The following ROR1 variants were observed in gnomAD, a reference collection of about 807,000 sequenced individuals.
The protein encoded by ROR1 is ROR family WNT receptor 1.
ROR1 carries 19 observed loss-of-function variants against 78.8 expected under a neutral mutation model. The observed-to-expected ratio is 0.24, with a 90% CI of 0.17 to 0.35. The LOEUF is 0.35. Ranked by LOEUF, ROR1 falls within the 10% of genes least tolerant of loss-of-function variation. The pLI, the probability that ROR1 is intolerant of heterozygous loss-of-function variation, is 1.00. For synonymous variants in ROR1, 386 were observed against 433.6 expected (o/e 0.89, Z 1.36); for missense variants, 917 against 1,177.8 (o/e 0.78, Z 3.24).
intron 1 of ROR1, among the ~76,000 whole-genome samples, chr1:64,007,325 C>T (rs74078187): frequency 5.9e-5 from 9 of 151,520 alleles, no homozygotes; most frequent in African/African-American, 1.9e-4. Context: ...AGCTAATGAC[C>T]CTGGGTCCTC....
intron 1 of ROR1, among the ~76,000 whole-genome samples, chr1:63,990,942 T>G (rs1646290764): frequency 6.6e-6 from 1 of 152,204 alleles, no homozygotes; most frequent in Admixed American, 6.5e-5. Context: ...ACTCTGTCTT[T>G]TAAAAATTGT....
chr1:63,949,140 A>G (rs1424384675), intron 1 of ROR1, among the ~76,000 whole-genome samples: 1 of 152,154 alleles, frequency 6.6e-6, no homozygotes, highest in Non-Finnish European at 1.5e-5. Flanking sequence ...CATTCCATAT[A>G]AAGAAGGCAG....
intron 2 of ROR1, among the ~76,000 whole-genome samples, chr1:64,016,938 G>A (rs1646525748): frequency 1.3e-5 from 2 of 151,260 alleles, no homozygotes; most frequent in Admixed American, 6.6e-5. Context: ...TTTCTTTTGA[G>A]ACAAGATCTT....
chr1:64,023,313 T>G (rs895108137), intron 2 of ROR1, among the ~76,000 whole-genome samples: 3 of 152,020 alleles, frequency 2.0e-5, no homozygotes, highest in Non-Finnish European at 4.4e-5. Context: ...CTCATCCTAC[T>G]GAGAGAGGAA....
intron 4 of ROR1, 51 bp from the exon 5 acceptor site, chr1:64,137,318 C>T (rs1330909025): frequency 1.9e-6 from 3 of 1,606,096 alleles, no homozygotes; most frequent in Non-Finnish European, 1.7e-6. Flanking sequence ...GCTTGCTGTG[C>T]CCTGTATGTA....
At chr1:64,166,054 G>T (rs1650077438) in intron 8 of ROR1, among the ~76,000 whole-genome samples, 1 of 150,604 alleles carries the variant, frequency 6.6e-6, no homozygotes, top group African/African-American at 2.5e-5. Context: ...ATAGTATAAG[G>T]AAAGGGTCCA....
intron 1 of ROR1, among the ~76,000 whole-genome samples, chr1:63,955,922 A>G (rs938922803): frequency 1.3e-5 from 2 of 152,140 alleles, no homozygotes; most frequent in South Asian, 2.1e-4. Flanking sequence ...GTGACCCATA[A>G]TTATCTCTGC....
chr1:63,853,199 C>T (rs1246123629), intron 1 of ROR1, among the ~76,000 whole-genome samples: 1 of 152,208 alleles, frequency 6.6e-6, no homozygotes, highest in East Asian at 1.9e-4. Context: ...GCAACAGCTG[C>T]TGCTAATGTT....
chr1:64,088,466 G>C (rs1050765932), intron 4 of ROR1, among the ~76,000 whole-genome samples: 3 of 151,928 alleles, frequency 2.0e-5, no homozygotes, highest in African/African-American at 7.3e-5. Context: ...CATTTTTTAG[G>C]TGTGCAATTG....
Position 63,774,316 on chromosome 1 carries a change from G to A in ROR1, c.-102G>A. The A allele has an allele frequency of 4.5e-6, 3 of 662,068 alleles. No homozygotes were observed. The highest frequency in any genetic ancestry group is 2.0e-5 in the South Asian group (1 of 48,896). 41.0% of individuals were successfully genotyped at this position (662,068 alleles called of 1,614,324 possible). A position where few individuals can be genotyped will look rare whatever the true frequency, so the allele number is the denominator to read the frequency against. ...CAGACGTCCCCGGCGTCCTGCGAGC[G>A]CCAGCGGCCGGGACGAGGCGGCCGG... On this transcript the variant is annotated 5_prime_UTR_variant, in exon 1 of 9. Transcript: ENST00000371079. This position sits in a 1 kb window ranked among gnomAD's most constrained non-coding sequence, Gnocchi z 5.7.
At chr1:64,157,746 T>C (rs1649814299) in intron 7 of ROR1, among the ~76,000 whole-genome samples, 1 of 152,232 alleles carries the variant, frequency 6.6e-6, no homozygotes. Flanking sequence ...ATCTTTCTTC[T>C]ATTTTCCTTA....
At chr1:64,017,711 G>T (rs947764908) in intron 2 of ROR1, among the ~76,000 whole-genome samples, 3 of 152,126 alleles carry the variant, frequency 2.0e-5, no homozygotes, top group Non-Finnish European at 4.4e-5. Flanking sequence ...GAGGCCCTGT[G>T]GGTGCTCTGC....
chr1:63,857,055 C>G (rs1645153198), intron 1 of ROR1, among the ~76,000 whole-genome samples: 1 of 152,054 alleles, frequency 6.6e-6, no homozygotes, highest in Non-Finnish European at 1.5e-5. Flanking sequence ...AACATAGACT[C>G]AGGTGTGTAA....
intron 1 of ROR1, among the ~76,000 whole-genome samples, chr1:64,005,162 C>A (rs1375990038): frequency 6.6e-6 from 1 of 152,116 alleles, no homozygotes; most frequent in Non-Finnish European, 1.5e-5. Context: ...TAGTAGCTAA[C>A]CAAGTACATC....
At chr1:64,040,323 T>C (rs182735491) in intron 2 of ROR1, among the ~76,000 whole-genome samples, 21 of 152,328 alleles carry the variant, frequency 1.4e-4, no homozygotes, top group Admixed American at 1.2e-3. Context: ...GGTCATATTA[T>C]ATAAAAATCA....
rs549544968 is a variant in ROR1 at position 64,029,093 on chromosome 1, G to A, written c.163+19717G>A. On this transcript the variant is annotated intron_variant, in intron 2 of 8. Coordinates refer to ENST00000371079, the MANE Select transcript of ROR1 (RefSeq NM_005012.4). Reference sequence around the variant, plus strand: ...ACTAGTTTTATGATCATTAATTATCGTATATTTATATTAATAAAAATAATA... The same window carrying A: ...ACTAGTTTTATGATCATTAATTATCATATATTTATATTAATAAAAATAATA... 3.1e-3 allele frequency: 471 copies of A among 151,950 alleles called. 3 individuals are homozygous for A. The highest frequency in any genetic ancestry group is 0.011 in the African/African-American group (444 of 41,452). 9.4% of individuals were successfully genotyped at this position (151,950 alleles called of 1,614,324 possible).
intron 1 of ROR1, among the ~76,000 whole-genome samples, chr1:63,890,569 A>G (rs1264127880): frequency 6.6e-6 from 1 of 151,988 alleles, no homozygotes; most frequent in African/African-American, 2.4e-5. Flanking sequence ...GTCATGCAGG[A>G]AAGAGTAATT....
chr1:63,967,122 T>G (rs1322823682), intron 1 of ROR1, among the ~76,000 whole-genome samples: 1 of 152,182 alleles, frequency 6.6e-6, no homozygotes, highest in Non-Finnish European at 1.5e-5. Flanking sequence ...AGTAAAAGAT[T>G]TAGAATGGTG....
At chr1:64,009,458 A>G in intron 2 of ROR1, 82 bp downstream of exon 2, 1 of 1,114,328 alleles carries the variant, frequency 9.0e-7, no homozygotes. Flanking sequence ...CTTTGAAATC[A>G]ACTGTTTTTC....
Sources: allele counts gnomAD v4.1 joint callset (sites outside exome capture counted in the v4.1 genomes callset), GRCh38; gene constraint gnomAD v4.1.1; non-coding constraint Gnocchi (gnomAD v3.1); transcripts MANE v1.5; gene names NCBI Gene and HGNC (gene_info 2026-07-23, HGNC 2026-07-21).